SNTA1: variants seen among roughly 807,000 people sequenced by gnomAD.
SNTA1 encodes alpha-1-syntrophin.
A neutral mutation model predicts 47.1 loss-of-function variants in SNTA1; 31 were observed. The observed-to-expected ratio is 0.66, with a 90% CI of 0.49 to 0.89. The LOEUF (loss-of-function observed/expected upper bound fraction) is 0.89, where lower values mean the gene tolerates loss of function less well. SNTA1 is among the 40% of genes least tolerant of loss of function. The probability of loss-of-function intolerance (pLI) is 0.00; values close to 1 mark genes in which losing one functional copy is unlikely to be tolerated. For missense variants in SNTA1, 575 were observed against 693.0 expected (o/e 0.83, Z 1.91); for synonymous variants, 300 against 313.6 (o/e 0.96, Z 0.46).
chr20:33,429,803 C>T (rs1209309705), intron 2 of SNTA1, among the ~76,000 whole-genome samples: 1 of 152,004 alleles, frequency 6.6e-6, no homozygotes, highest in Non-Finnish European at 1.5e-5. Flanking sequence ...CACTCTGTCA[C>T]CCAAGTTGGA....
Position 33,412,621 on chromosome 20 carries a change from G to C in SNTA1, c.863C>G (p.Thr288Arg). 1 of 1,613,952 alleles carries C rather than the reference G, an allele frequency of 6.2e-7. No homozygotes were observed. The highest frequency in any genetic ancestry group is 8.5e-7 in the Non-Finnish European group (1 of 1,180,022). The change falls in exon 4 of 8, where the codon ACA (threonine) becomes AGA (arginine). Residue 288 changes from threonine (T) to arginine (R), a missense_variant. Physicochemically the swap from Thr to Arg is moderately conservative, Grantham distance 71. Transcript: ENST00000217381. ...CTGCTTGATGTCCTGGCTCCCAGCT[G>C]TGCTGGTGGCTGCCAACAGTGCCTG... Reference protein sequence around the residue: ...ELQALLAATSTAGSQDIKQIG... With the variant: ...ELQALLAATSRAGSQDIKQIG...
chr20:33,421,779 A>C (rs983638268), intron 2 of SNTA1, among the ~76,000 whole-genome samples: 29 of 150,770 alleles, frequency 1.9e-4, no homozygotes, highest in Non-Finnish European at 3.5e-4. Flanking sequence ...AACATAGCAA[A>C]ACCTTGTCTC....
intron 2 of SNTA1, among the ~76,000 whole-genome samples, chr20:33,438,370 C>T (rs757240902): frequency 5.3e-5 from 8 of 152,018 alleles, no homozygotes; most frequent in Non-Finnish European, 1.0e-4. Flanking sequence ...GTTTTAAGGC[C>T]CAGGCACTAA....
At chr20:33,435,227 G>A in intron 2 of SNTA1, among the ~76,000 whole-genome samples, 1 of 147,136 alleles carries the variant, frequency 6.8e-6, no homozygotes, top group East Asian at 2.1e-4. Flanking sequence ...CCTGGCCTCA[G>A]GTGATCCACC....
chr20:33,439,668 C>T (rs1422741739), intron 1 of SNTA1, among the ~76,000 whole-genome samples: 3 of 152,116 alleles, frequency 2.0e-5, no homozygotes, highest in Admixed American at 1.3e-4. Context: ...AATATATATG[C>T]CTACTATGTA....
At chr20:33,438,456 C>T (rs1403511984) in intron 2 of SNTA1, among the ~76,000 whole-genome samples, 2 of 152,198 alleles carry the variant, frequency 1.3e-5, no homozygotes, top group Non-Finnish European at 1.5e-5. Context: ...CCGCACCCCT[C>T]TCTCCCTGTG....
chr20:33,412,554 G>A, intron 4 of SNTA1, 21 bp downstream of exon 4: 1 of 1,610,432 alleles, frequency 6.2e-7, no homozygotes, highest in Non-Finnish European at 8.5e-7. Flanking sequence ...GAGAGGGATA[G>A]GTCCCAGGCC....
Position 33,443,308 on chromosome 20 carries a change from C to T in SNTA1, c.310+3G>A, listed in dbSNP as rs748786709. On this transcript the variant is annotated splice_donor_region_variant and intron_variant, in intron 1 of 7. Coordinates refer to ENST00000217381, the MANE Select transcript of SNTA1 (RefSeq NM_003098.3). ...CCCCGCGCCCTCGGTGTCCCGCGCCCACCTTTGATGCTGATGCCCAGCCCA... is the reference window on the plus strand; with the variant it reads ...CCCCGCGCCCTCGGTGTCCCGCGCCTACCTTTGATGCTGATGCCCAGCCCA... The T allele has an allele frequency of 6.6e-7, 1 of 1,511,448 alleles. No homozygotes were observed. Among genetic ancestry groups the T allele is most frequent in the Non-Finnish European group, 8.8e-7 (1 of 1,137,492 alleles). The allele number at this position is 1,511,448 out of a possible 1,614,324, so 93.6% of individuals were successfully genotyped here.
intron 2 of SNTA1, among the ~76,000 whole-genome samples, chr20:33,428,016 C>A (rs1990208132): frequency 6.6e-6 from 1 of 151,964 alleles, no homozygotes; most frequent in Admixed American, 6.6e-5. Flanking sequence ...CCTCGAATTC[C>A]TGGCCTCAAA....
chr20:33,411,718 A>C (rs2146760741), intron 5 of SNTA1, among the ~76,000 whole-genome samples: 1 of 152,166 alleles, frequency 6.6e-6, no homozygotes, highest in East Asian at 1.9e-4. Flanking sequence ...GGCCCTGCCA[A>C]CTCCCTTCTC....
At chr20:33,408,656 G>A (rs750686304) in intron 7 of SNTA1, 45 bp downstream of exon 7, 1 of 1,610,368 alleles carries the variant, frequency 6.2e-7, no homozygotes, top group South Asian at 1.1e-5. Context: ...CTCCGAGAGT[G>A]CACACCCCCT....
At chr20:33,438,634 A>G (rs1009769053) in intron 2 of SNTA1, among the ~76,000 whole-genome samples, 8 of 152,134 alleles carry the variant, frequency 5.3e-5, no homozygotes, top group Non-Finnish European at 1.0e-4. Context: ...AGAAAATGCA[A>G]ATCAGGTCTG....
chr20:33,419,988 G>C (rs560226791), intron 2 of SNTA1, among the ~76,000 whole-genome samples: 1 of 151,806 alleles, frequency 6.6e-6, no homozygotes, highest in South Asian at 2.1e-4. Flanking sequence ...CAATGGTGCA[G>C]TATTGGCTCA....
At chr20:33,439,632 T>C (rs922102633) in intron 1 of SNTA1, among the ~76,000 whole-genome samples, 1 of 152,236 alleles carries the variant, frequency 6.6e-6, no homozygotes, top group African/African-American at 2.4e-5. Flanking sequence ...TTCTTAAATG[T>C]TTTCGATTTT....
intron 2 of SNTA1, among the ~76,000 whole-genome samples, chr20:33,434,999 T>G (rs1057207381): frequency 6.9e-6 from 1 of 145,828 alleles, no homozygotes; most frequent in Non-Finnish European, 1.5e-5. Flanking sequence ...TTTTTTTTTT[T>G]TTTTTTTTTT....
chr20:33,414,260 A>AAC lies in SNTA1; in HGVS notation c.702-1479_702-1478insGT, dbSNP rs1260909831. Among the ~76,000 whole-genome samples, 158 of 139,928 alleles carry AAC rather than the reference A, an allele frequency of 1.1e-3. 2 individuals are homozygous for AAC. Among genetic ancestry groups the AAC allele is most frequent in the African/African-American group, 4.1e-3 (150 of 37,026 alleles). The allele number at this position is 139,928 out of a possible 152,430, so 91.8% of individuals were successfully genotyped here. ...TCTCAAAAACCAAAAAAAAAAAAAA[A>AAC]AAAAAAAAAAAACAGAAAAACAAAA... On this transcript the variant is annotated intron_variant, in intron 3 of 7. Coordinates refer to ENST00000217381, the MANE Select transcript of SNTA1 (RefSeq NM_003098.3).
intron 7 of SNTA1, 41 bp downstream of exon 7, chr20:33,408,660 A>G (rs1478505576): frequency 6.2e-7 from 1 of 1,609,716 alleles, no homozygotes; most frequent in African/African-American, 1.3e-5. Context: ...GAGAGTGCAC[A>G]CCCCCTCCTC....
At position 33,417,854 on chromosome 20, in the gene SNTA1, G is replaced by A. The variant is rs144860423; in HGVS notation, c.566C>T (p.Ser189Leu). ...STGGTSVGWD[S>L]PPASPLQRQP... ...CCGCTGAAGGGGTGAGGCAGGAGGT[G>A]AGTCCCAGCCGACCGAGGTCCCACC... Residue 189 changes from serine to leucine, a missense_variant, in exon 3 of 8, where the codon TCA becomes TTA. Transcript: ENST00000217381. The A allele has an allele frequency of 2.1e-4, 331 of 1,613,976 alleles. No individual in the cohort carries two copies. The highest frequency in any genetic ancestry group is 2.6e-4 in the Non-Finnish European group (307 of 1,179,978).
intron 1 of SNTA1, among the ~76,000 whole-genome samples, chr20:33,441,067 G>T (rs575327012): frequency 1.6e-4 from 24 of 152,272 alleles, no homozygotes; most frequent in Admixed American, 1.4e-3. Context: ...ACTCTTAAAT[G>T]CCCTTTTAAA....
Sources: allele counts gnomAD v4.1 joint callset (sites outside exome capture counted in the v4.1 genomes callset), GRCh38; gene constraint gnomAD v4.1.1; transcripts MANE v1.5; gene names NCBI Gene and HGNC (gene_info 2026-07-23, HGNC 2026-07-21).